PCDH15: variants seen among roughly 807,000 people sequenced by gnomAD.
PCDH15 encodes protocadherin-15.
In PCDH15, 129 loss-of-function variants were observed where a neutral mutation model predicts 178.5. The ratio of observed to expected loss-of-function variants is 0.72; its 90% CI spans 0.63 to 0.84. PCDH15 has a LOEUF of 0.84. Ranked by LOEUF, PCDH15 falls within the 40% of genes least tolerant of loss-of-function variation. The pLI is 0.00. For missense variants in PCDH15, 2,230 were observed against 2,099.9 expected (o/e 1.06, Z -1.21); for synonymous variants, 800 against 732.0 (o/e 1.09, Z -1.50).
chr10:54,779,523 T>C (rs938289501), intron 1 of PCDH15, among the ~76,000 whole-genome samples: 15 of 130,856 alleles, frequency 1.1e-4, no homozygotes, highest in Admixed American at 1.1e-3. Flanking sequence ...TGTATATATA[T>C]ATACACACAC....
intron 2 of PCDH15, among the ~76,000 whole-genome samples, chr10:55,578,763 A>G (rs1419553764): frequency 6.6e-6 from 1 of 152,056 alleles, no homozygotes; most frequent in Non-Finnish European, 1.5e-5. Flanking sequence ...GGGAAGGGGG[A>G]GCAAAGTCAC....
chr10:55,453,978 G>GT (rs1340474376), intron 2 of PCDH15, among the ~76,000 whole-genome samples: 2 of 151,992 alleles, frequency 1.3e-5, no homozygotes, highest in African/African-American at 4.8e-5. Context: ...GGAAAAAAAT[G>GT]TTTTTTACTT....
At chr10:54,162,998 T>C (rs758890843) in intron 13 of PCDH15, among the ~76,000 whole-genome samples, 26 of 151,780 alleles carry the variant, frequency 1.7e-4, no homozygotes, top group Non-Finnish European at 2.6e-4. Flanking sequence ...GGAATCAGTA[T>C]TGTAAACAAG....
At chr10:54,268,082 C>T (rs1215323324) in intron 8 of PCDH15, among the ~76,000 whole-genome samples, 1 of 151,730 alleles carries the variant, frequency 6.6e-6, no homozygotes, top group African/African-American at 2.4e-5. Context: ...AAAATAGACA[C>T]ATAGACCAAT....
chr10:53,988,787 T>C lies in PCDH15; in HGVS notation c.2868+6862A>G, dbSNP rs767443311. ...TCTTGGAAATCTGTCTTGTTTAAAGTATGTTGGGACCCAGGTCCTGTGAGG... is the reference window on the plus strand; with the variant it reads ...TCTTGGAAATCTGTCTTGTTTAAAGCATGTTGGGACCCAGGTCCTGTGAGG... On this transcript the variant is annotated intron_variant, in intron 21 of 37. Transcript: ENST00000644397. Among the ~76,000 whole-genome samples, 52 of 151,886 alleles carry C rather than the reference T, an allele frequency of 3.4e-4. 1 individual carries two copies. The highest frequency in any genetic ancestry group is 2.2e-4 in the Non-Finnish European group (15 of 68,038).
intron 23 of PCDH15, among the ~76,000 whole-genome samples, chr10:53,949,321 G>A (rs984037795): frequency 6.6e-6 from 1 of 152,174 alleles, no homozygotes; most frequent in Non-Finnish European, 1.5e-5. Flanking sequence ...TCTTACATTG[G>A]ACAACAAATC....
intron 21 of PCDH15, among the ~76,000 whole-genome samples, chr10:53,982,226 T>A (rs1442265357): frequency 6.6e-6 from 1 of 152,108 alleles, no homozygotes; most frequent in Non-Finnish European, 1.5e-5. Flanking sequence ...TTGGTGGGAG[T>A]GTAAACTAGT....
intron 3 of PCDH15, among the ~76,000 whole-genome samples, chr10:54,427,727 A>G (rs1392892478): frequency 1.3e-5 from 2 of 152,170 alleles, no homozygotes; most frequent in Non-Finnish European, 2.9e-5. Flanking sequence ...AATGTGTTTT[A>G]GTTTCACCAA....
chr10:54,432,998 T>C (rs1957129831), intron 3 of PCDH15, among the ~76,000 whole-genome samples: 1 of 150,604 alleles, frequency 6.6e-6, no homozygotes, highest in South Asian at 2.1e-4. Flanking sequence ...ACCAGAGAAA[T>C]GTAAATCAAA....
At chr10:54,374,008 T>C (rs1948056893) in intron 4 of PCDH15, among the ~76,000 whole-genome samples, 1 of 152,056 alleles carries the variant, frequency 6.6e-6, no homozygotes, top group Non-Finnish European at 1.5e-5. Context: ...GAAAATTATA[T>C]AGACAGGGTG....
At chr10:54,090,277 C>A (rs2094578173) in intron 15 of PCDH15, among the ~76,000 whole-genome samples, 1 of 152,160 alleles carries the variant, frequency 6.6e-6, no homozygotes, top group Non-Finnish European at 1.5e-5. Flanking sequence ...TGGAAATAAT[C>A]ATTTTCCCAA....
At chr10:54,968,074 C>T (rs1007801390) in intron 2 of PCDH15, among the ~76,000 whole-genome samples, 2 of 152,116 alleles carry the variant, frequency 1.3e-5, no homozygotes, top group Admixed American at 1.3e-4. Context: ...ATAACATAAC[C>T]ATTTATGACC....
rs1298876005 is a variant in PCDH15, at chr10:54,500,897, A to G, written c.157+26915T>C. ...ATGTGGCACATATACACCATGGAAT[A>G]CTATGCGGCCATAAAAAAGAATGAG... On this transcript the variant is annotated intron_variant, in intron 3 of 37. Transcript: ENST00000644397. Among the ~76,000 whole-genome samples the G allele has an allele frequency of 3.3e-5, 5 of 152,146 alleles. No homozygotes were observed. The East Asian group carries it at 9.7e-4, about 29-fold the overall frequency.
chr10:54,113,639 GACACAC>G (rs57193886), intron 15 of PCDH15, among the ~76,000 whole-genome samples: 2 of 149,748 alleles, frequency 1.3e-5, no homozygotes, highest in African/African-American at 4.9e-5. Flanking sequence ...TCCCAACACA[GACACAC>G]ACACACACAC....
At chr10:55,061,184 A>G (rs1841420135) in intron 2 of PCDH15, among the ~76,000 whole-genome samples, 1 of 152,214 alleles carries the variant, frequency 6.6e-6, no homozygotes, top group Non-Finnish European at 1.5e-5. Flanking sequence ...AAGTAATGTT[A>G]GGCAAACATA....
At chr10:54,386,878 G>A (rs146790138) in intron 3 of PCDH15, among the ~76,000 whole-genome samples, 113 of 152,252 alleles carry the variant, frequency 7.4e-4, no homozygotes, top group African/African-American at 2.1e-3. Flanking sequence ...GTAAGGTGGT[G>A]CAGCCCAAAA....
intron 1 of PCDH15, among the ~76,000 whole-genome samples, chr10:54,698,833 A>G (rs1240173082): frequency 2.6e-5 from 4 of 152,102 alleles, no homozygotes; most frequent in African/African-American, 9.7e-5. Context: ...TTTTATCTTT[A>G]GAAGGCACCA....
At chr10:55,496,600 A>G (rs1450337804) in intron 2 of PCDH15, among the ~76,000 whole-genome samples, 3 of 151,846 alleles carry the variant, frequency 2.0e-5, no homozygotes, top group African/African-American at 7.2e-5. Context: ...GGGAAATACA[A>G]ACCTTGTGCT....
intron 6 of PCDH15, among the ~76,000 whole-genome samples, chr10:54,341,763 A>C (rs1330989562): frequency 6.6e-6 from 1 of 152,148 alleles, no homozygotes; most frequent in Non-Finnish European, 1.5e-5. Context: ...GTCCAGGCTG[A>C]GGTGGTCTCA....
Sources: gnomAD v4.1 joint callset for allele counts (sites outside exome capture counted in the v4.1 genomes callset) on GRCh38, gnomAD v4.1.1 for gene constraint, MANE v1.5 for transcripts, NCBI Gene and HGNC (gene_info 2026-07-23, HGNC 2026-07-21) for gene names.